Variants in RBMX2 observed in about 807,000 individuals in gnomAD.
The protein encoded by RBMX2 is RNA-binding motif protein, X-linked 2.
For missense variants in RBMX2, 191 were observed against 256.0 expected (o/e 0.75, Z 1.73); for synonymous variants, 77 against 94.3 (o/e 0.82, Z 1.07).
intron 1 of RBMX2, 30 bp from the exon 2 acceptor site, chrX:130,402,225 A>AACCCC: frequency 2.0e-6 from 2 of 984,777 alleles, no homozygotes; most frequent in Non-Finnish European, 2.8e-6. Context: ...TTTTCTGCCT[A>AACCCC]CCCTCCCCAC....
At chrX:130,402,231 C>T in intron 1 of RBMX2, 24 bp from the exon 2 acceptor site, 1 of 1,145,755 alleles carries the variant, frequency 8.7e-7, no homozygotes, top group South Asian at 2.0e-5. Context: ...GCCTACCCTC[C>T]CCACCCCCCC....
intron 1 of RBMX2, 31 bp from the exon 2 acceptor site, chrX:130,402,224 T>TCCCCA: frequency 8.5e-7 from 1 of 1,174,328 alleles, no homozygotes; most frequent in Non-Finnish European, 1.1e-6. Context: ...CTTTTCTGCC[T>TCCCCA]ACCCTCCCCA....
intron 3 of RBMX2, 24 bp from the exon 4 acceptor site, chrX:130,409,233 C>G: frequency 8.5e-7 from 1 of 1,181,084 alleles, no homozygotes; most frequent in East Asian, 3.0e-5. Context: ...TCAACAGTGT[C>G]TTACTCTTTT....
chrX:130,405,754 C>T (rs916612296), intron 3 of RBMX2, among the ~76,000 whole-genome samples: 1 of 108,921 alleles, frequency 9.2e-6, no homozygotes, highest in African/African-American at 3.3e-5. Context: ...TTAGAATGCC[C>T]ATTTTTCTGA....
intron 3 of RBMX2, 103 bp from the exon 4 acceptor site, chrX:130,409,154 A>G: frequency 1.5e-6 from 1 of 658,104 alleles, no homozygotes; most frequent in Non-Finnish European, 2.1e-6. Flanking sequence ...TTCTAGATGC[A>G]TCTCTTGTAT....
At position 130,413,650 on chromosome X, in the gene RBMX2, T is replaced by TA. The variant is rs1398765524; in HGVS notation, c.*803dup. 2.8e-5 allele frequency among the ~76,000 whole-genome samples: 3 copies of TA among 109,024 alleles called. No homozygotes were observed. The highest frequency in any genetic ancestry group is 8.2e-4 in the South Asian group (2 of 2,431). 94.7% of individuals were successfully genotyped at this position (109,024 alleles called of 115,157 possible). A position where few individuals can be genotyped will look rare whatever the true frequency, so the allele number is the denominator to read the frequency against. The stretch of plus-strand genomic sequence containing the variant: ...TCTGGATCTTTCATAAAAATGGAAT[T>TA]ACACAATTGTGGCCTTTTGTGTCTG... On this transcript the variant is annotated 3_prime_UTR_variant, in exon 6 of 6. Transcript: ENST00000305536.
intron 1 of RBMX2, 37 bp downstream of exon 1, chrX:130,402,074 G>A (rs771852666): frequency 8.4e-7 from 1 of 1,192,092 alleles, no homozygotes; most frequent in East Asian, 3.0e-5. Context: ...AGGAGCAGCG[G>A]GCCACTGGGG....
At chrX:130,410,356 A>T (rs1285227565) in intron 4 of RBMX2, among the ~76,000 whole-genome samples, 1 of 106,829 alleles carries the variant, frequency 9.4e-6, no homozygotes, top group Non-Finnish European at 1.9e-5. Context: ...CTAAAAATAG[A>T]ATATTTTTAT....
intron 2 of RBMX2, 92 bp from the exon 3 acceptor site, chrX:130,403,709 AC>A: frequency 6.0e-6 from 5 of 827,149 alleles, no homozygotes; most frequent in Non-Finnish European, 9.1e-6. Context: ...CCTGTTGCTT[AC>A]TGTTTCCACC....
At chrX:130,410,980 G>A (rs982489108) in intron 4 of RBMX2, among the ~76,000 whole-genome samples, 1 of 112,057 alleles carries the variant, frequency 8.9e-6, no homozygotes, top group African/African-American at 3.2e-5. Flanking sequence ...TACAGATCAA[G>A]GGTGATTCAT....
chrX:130,406,996 G>C (rs902445993), intron 3 of RBMX2, among the ~76,000 whole-genome samples: 7 of 111,238 alleles, frequency 6.3e-5, no homozygotes, highest in African/African-American at 2.3e-4. Flanking sequence ...TGGATTTTCA[G>C]ATTAGGGATG....
At position 130,412,455 on chromosome X, in the gene RBMX2, G is replaced by T; in HGVS notation, c.576G>T (p.Lys192Asn). 8.3e-7 allele frequency: 1 copy of T among 1,210,446 alleles called. No individual in the cohort carries two copies. Among genetic ancestry groups the T allele is most frequent in the East Asian group, 3.0e-5 (1 of 33,806 alleles). ...EQPSSSSPRR[K>N]TVKEKDDTGP... ...CATCCTCTTCGTCACCCAGACGCAA[G>T]ACAGTAAAGGAAAAGGATGACACTG... Residue 192 changes from lysine (K) to asparagine (N), a missense_variant, in exon 6 of 6, where the codon AAG becomes AAT. Coordinates refer to ENST00000305536, the MANE Select transcript of RBMX2 (RefSeq NM_016024.4).
In RBMX2 at chrX:130,411,542, TAAGAG is replaced by T. The variant is rs758329345; in HGVS notation, c.481+22_481+26del. On this transcript the variant is annotated intron_variant, in intron 5 of 5. Coordinates refer to ENST00000305536, the MANE Select transcript of RBMX2 (RefSeq NM_016024.4). ...ACAAAAAAGGTAAAGCATTAAGACT[TAAGAG>T]AAGATTCTGGGTGGTCTTAATGTCT... 32 of 1,150,353 alleles carry T rather than the reference TAAGAG, an allele frequency of 2.8e-5. No individual in the cohort carries two copies. The East Asian group carries it at 3.7e-4, about 13-fold the overall frequency. 94.8% of individuals were successfully genotyped at this position (1,150,353 alleles called of 1,213,427 possible). A position where few individuals can be genotyped will look rare whatever the true frequency, so the allele number is the denominator to read the frequency against.
chrX:130,402,225 A>ACCCAC, intron 1 of RBMX2, 30 bp from the exon 2 acceptor site: 3 of 984,778 alleles, frequency 3.0e-6, no homozygotes, highest in Non-Finnish European at 4.2e-6. Flanking sequence ...TTTTCTGCCT[A>ACCCAC]CCCTCCCCAC....
intron 2 of RBMX2, 150 bp downstream of exon 2, chrX:130,402,520 C>A (rs1320150219): frequency 4.0e-6 from 4 of 996,462 alleles, no homozygotes; most frequent in Non-Finnish European, 5.3e-6. Flanking sequence ...TGTTACATCT[C>A]TTTTCTGCCC....
chrX:130,402,113 C>T, intron 1 of RBMX2, 76 bp downstream of exon 1: 1 of 1,171,604 alleles, frequency 8.5e-7, no homozygotes, highest in East Asian at 3.1e-5. Context: ...TGTGGTAGAG[C>T]GTCTGCGGGG....
Position 130,403,517 on chromosome X carries a change from C to T in RBMX2, c.122-285C>T, listed in dbSNP as rs774879883. Among the ~76,000 whole-genome samples the T allele has an allele frequency of 5.4e-5, 6 of 111,350 alleles. No individual in the cohort carries two copies. In the South Asian group the frequency reaches 1.5e-3, roughly 28 times the overall value. ...CTGAGTAGCTGGGATTACAGGTGCC[C>T]GCCACCTCACCTGGCTGATTTTTTT... On this transcript the variant is annotated intron_variant, in intron 2 of 5. Transcript: ENST00000305536.
At chrX:130,402,771 A>G (rs1241658900) in intron 2 of RBMX2, among the ~76,000 whole-genome samples, 7 of 110,996 alleles carry the variant, frequency 6.3e-5, no homozygotes, top group Non-Finnish European at 1.3e-4. Flanking sequence ...CCATATTGCT[A>G]CCACCACCCT....
chrX:130,406,125 G>GTCTCATT (rs2034484425), intron 3 of RBMX2, among the ~76,000 whole-genome samples: 1 of 67,612 alleles, frequency 1.5e-5, no homozygotes, highest in African/African-American at 1.6e-4. Context: ...AAAGTGCTGG[G>GTCTCATT]ATTACAGGTG....
Sources: allele counts gnomAD v4.1 joint callset (sites outside exome capture counted in the v4.1 genomes callset), GRCh38; gene constraint gnomAD v4.1.1; transcripts MANE v1.5; gene names NCBI Gene and HGNC (gene_info 2026-07-23, HGNC 2026-07-21).